PAG1: variants seen among roughly 807,000 people sequenced by gnomAD.
The protein encoded by PAG1 is phosphoprotein associated with glycosphingolipid-enriched microdomains 1.
In PAG1, 23 loss-of-function variants were observed where a neutral mutation model predicts 31.7. That is an observed-to-expected ratio of 0.73 (90% confidence interval 0.52 to 1.03). PAG1 has a LOEUF of 1.03. Ranked by LOEUF, PAG1 falls within the 50% of genes least tolerant of loss-of-function variation. The pLI, the probability that PAG1 is intolerant of heterozygous loss-of-function variation, is 0.00. For missense variants in PAG1, 473 were observed against 540.7 expected (o/e 0.87, Z 1.24); for synonymous variants, 214 against 210.3 (o/e 1.02, Z -0.15).
intron 2 of PAG1, chr8:81,037,052 A>T (rs1399081473): frequency 6.6e-6 from 1 of 152,194 alleles, no homozygotes; most frequent in Non-Finnish European, 1.5e-5. Context: ...ATGAAGGCAA[A>T]ATATAATAAT....
At chr8:80,993,042 C>T (rs533806900) in intron 4 of PAG1, 61 bp downstream of exon 4, 45 of 1,444,812 alleles carry the variant, frequency 3.1e-5, no homozygotes, top group Middle Eastern at 3.6e-4. Context: ...TCCACAGAAA[C>T]TCTTCTGGGT....
At chr8:81,085,150 T>A (rs1225305929) in intron 1 of PAG1, among the ~76,000 whole-genome samples, 1 of 152,236 alleles carries the variant, frequency 6.6e-6, no homozygotes, top group Non-Finnish European at 1.5e-5. Flanking sequence ...TTATGCTCCA[T>A]GTGCCAATTA....
intron 1 of PAG1, among the ~76,000 whole-genome samples, chr8:81,080,248 T>C (rs1011396470): frequency 1.3e-5 from 2 of 152,114 alleles, no homozygotes; most frequent in Admixed American, 1.3e-4. Flanking sequence ...TTCGTTTTAG[T>C]GACTAGCCTT....
intron 2 of PAG1, among the ~76,000 whole-genome samples, chr8:81,057,085 G>T (rs868306119): frequency 6.6e-6 from 1 of 152,166 alleles, no homozygotes; most frequent in Non-Finnish European, 1.5e-5. Context: ...TGCTGGAGAG[G>T]ATGTGAAGAA....
chr8:81,096,999 A>T (rs1196861768), intron 1 of PAG1, among the ~76,000 whole-genome samples: 1 of 152,112 alleles, frequency 6.6e-6, no homozygotes, highest in Non-Finnish European at 1.5e-5. Flanking sequence ...TTGTTTTTTA[A>T]TCTCTTTTCA....
chr8:80,984,839 A>C lies in PAG1; in HGVS notation c.813T>G (p.Leu271=), dbSNP rs1807381145. The change falls in exon 7 of 9, where the codon CTT becomes CTG. Residue 271 remains leucine (L), a synonymous_variant. Transcript: ENST00000220597. ...CCGCCTCTCCCCCTTCCTTCTCCTG[A>C]AGGTTTTCATTCTCGTCCAGAAGCT... ...PVKLLDENEN[L]QEKEGGEAEE... The C allele has an allele frequency of 1.9e-6, 3 of 1,614,000 alleles. No individual in the cohort carries two copies. Among genetic ancestry groups the C allele is most frequent in the Admixed American group, 1.7e-5 (1 of 60,000 alleles).
chr8:81,055,075 CTT>C (rs773535023), intron 2 of PAG1, among the ~76,000 whole-genome samples: 36 of 138,856 alleles, frequency 2.6e-4, no homozygotes, highest in Admixed American at 3.6e-4. Context: ...CTTTTTTTTT[CTT>C]TTTTTTTTTT....
intron 1 of PAG1, among the ~76,000 whole-genome samples, chr8:81,093,000 T>C (rs1017058772): frequency 2.6e-5 from 4 of 152,232 alleles, no homozygotes; most frequent in African/African-American, 9.6e-5. Flanking sequence ...AAAGTAGCAA[T>C]TGTGAGGCCT....
intron 3 of PAG1, among the ~76,000 whole-genome samples, chr8:81,025,900 G>C (rs796985965): frequency 3.9e-5 from 6 of 152,262 alleles, no homozygotes; most frequent in African/African-American, 1.4e-4. Flanking sequence ...TACCTCTGTG[G>C]GGGCAGTGTG....
At chr8:81,096,255 C>T (rs549212296) in intron 1 of PAG1, among the ~76,000 whole-genome samples, 3 of 152,208 alleles carry the variant, frequency 2.0e-5, no homozygotes, top group African/African-American at 4.8e-5. Flanking sequence ...ACTGTAGAGC[C>T]GTGGGGAACA....
intron 1 of PAG1, among the ~76,000 whole-genome samples, chr8:81,096,270 A>G (rs1055294052): frequency 1.3e-5 from 2 of 152,160 alleles, no homozygotes; most frequent in Non-Finnish European, 2.9e-5. Flanking sequence ...GGAACAGCCA[A>G]TGGTCCTTGC....
chr8:81,041,659 T>C (rs927553579), intron 2 of PAG1, among the ~76,000 whole-genome samples: 1 of 152,224 alleles, frequency 6.6e-6, no homozygotes, highest in Non-Finnish European at 1.5e-5. Context: ...CTCTTTTAGG[T>C]AGTACATTTA....
chr8:81,087,874 T>C (rs73692334), intron 1 of PAG1, among the ~76,000 whole-genome samples: 2,247 of 152,284 alleles, frequency 0.015, 65 homozygotes, highest in African/African-American at 0.051. Context: ...TCCACTATGA[T>C]TTAAAGATTT....
At chr8:80,982,348 T>A (rs7014529) in intron 7 of PAG1, among the ~76,000 whole-genome samples, 1 of 151,984 alleles carries the variant, frequency 6.6e-6, no homozygotes, top group African/African-American at 2.4e-5. Context: ...CCGCTGCATT[T>A]GGCAGAGCGG....
intron 2 of PAG1, among the ~76,000 whole-genome samples, chr8:81,065,856 A>G (rs1184486874): frequency 6.7e-6 from 1 of 149,666 alleles, no homozygotes; most frequent in African/African-American, 2.5e-5. Flanking sequence ...TCATATATAT[A>G]TCATATGTCA....
At position 81,037,298 on chromosome 8, in the gene PAG1, T is replaced by C. The variant is rs903365404; in HGVS notation, c.-174-7209A>G. ...GACAGATACAGTTATAATACATACATTGATTTTTTTAAAATGACATTTTAC... is the reference window on the plus strand; with the variant it reads ...GACAGATACAGTTATAATACATACACTGATTTTTTTAAAATGACATTTTAC... On this transcript the variant is annotated intron_variant, in intron 2 of 8. Coordinates refer to ENST00000220597, the MANE Select transcript of PAG1 (RefSeq NM_018440.4). The C allele has an allele frequency of 2.6e-5, 4 of 152,216 alleles. No individual in the cohort carries two copies. In the South Asian group the frequency reaches 6.2e-4, roughly 24 times the overall value. The allele number at this position is 152,216 out of a possible 1,614,324, so 9.4% of individuals were successfully genotyped here.
intron 2 of PAG1, among the ~76,000 whole-genome samples, chr8:81,033,719 G>A (rs1808417687): frequency 1.3e-5 from 2 of 152,192 alleles, no homozygotes; most frequent in Admixed American, 1.3e-4. Flanking sequence ...AGTTCAGGAT[G>A]TGTTTTTACC....
chr8:80,984,329 TA>T (rs1275645434), intron 7 of PAG1, among the ~76,000 whole-genome samples: 1 of 152,164 alleles, frequency 6.6e-6, no homozygotes, highest in African/African-American at 2.4e-5. Context: ...CAATCAGATA[TA>T]ACCAGGGGCA....
chr8:81,076,372 G>A (rs570499374), intron 1 of PAG1, among the ~76,000 whole-genome samples: 1 of 152,336 alleles, frequency 6.6e-6, no homozygotes, highest in South Asian at 2.1e-4. Context: ...GATGATGTGA[G>A]GGTGACTAGA....
Sources: allele counts gnomAD v4.1 joint callset (sites outside exome capture counted in the v4.1 genomes callset), GRCh38; gene constraint gnomAD v4.1.1; transcripts MANE v1.5; gene names NCBI Gene and HGNC (gene_info 2026-07-23, HGNC 2026-07-21).